The following MTMR3 variants were observed in gnomAD, a reference collection of about 807,000 sequenced individuals.
MTMR3 encodes myotubularin related protein 3.
MTMR3 carries 32 observed loss-of-function variants against 132.4 expected under a neutral mutation model. The ratio of observed to expected loss-of-function variants is 0.24; its 90% confidence interval spans 0.18 to 0.32. The LOEUF is 0.32. Among genes scored for constraint, MTMR3 ranks in the 10% least tolerant of loss-of-function variants. MTMR3 has a pLI of 1.00. For missense variants in MTMR3, 1,216 were observed against 1,489.6 expected, an observed-to-expected ratio of 0.82 and a Z score of 3.02; for synonymous variants, 556 against 550.3, an observed-to-expected ratio of 1.01 and a Z score of -0.14.
At chr22:29,935,014 A>G (rs1264830073) in intron 1 of MTMR3, among the ~76,000 whole-genome samples, 1 of 152,230 alleles carries the variant, frequency 6.6e-6, no homozygotes, top group African/African-American at 2.4e-5. Flanking sequence ...TGTGTGTAAT[A>G]TATTTTAACT....
chr22:30,016,239 CATATGCTGT>C, intron 14 of MTMR3: 1 of 353,482 alleles, frequency 2.8e-6, no homozygotes, highest in Non-Finnish European at 5.2e-6. Flanking sequence ...GCACCCAGTT[CATATGCTGT>C]GGCGCTTGTG....
chr22:30,007,192 T>C lies in MTMR3; in HGVS notation c.750T>C (p.Asp250=), dbSNP rs1168945053. The C allele has an allele frequency of 1.2e-6, 2 of 1,614,076 alleles. No homozygotes were observed. Among genetic ancestry groups the C allele is most frequent in the African/African-American group, 2.7e-5 (2 of 74,938 alleles). Residue 250 remains aspartate, a synonymous_variant, in exon 10 of 20, where the codon GAT becomes GAC. Transcript: ENST00000401950. ...VSWWGWRNAD[D]EHLVQSVAKA... ...GGTGGGGCTGGCGAAATGCAGATGATGAGCATCTGGTACAGTCAGTAGCCA... is the reference window on the plus strand; with the variant it reads ...GGTGGGGCTGGCGAAATGCAGATGACGAGCATCTGGTACAGTCAGTAGCCA...
Position 29,985,731 on chromosome 22 carries a change from G to C in MTMR3, c.211-2749G>C, listed in dbSNP as rs2145899803. ...ACTTGTAATACACATGGTTGATTTTGGTGACTTGCTGGTGTCTGCAATCTG... is the reference window on the plus strand; with the variant it reads ...ACTTGTAATACACATGGTTGATTTTCGTGACTTGCTGGTGTCTGCAATCTG... On this transcript the variant is annotated intron_variant, in intron 5 of 19. Transcript: ENST00000401950. The C allele has an allele frequency of 1.3e-5, 2 of 152,218 alleles. 1 individual carries two copies. Among genetic ancestry groups the C allele is most frequent in the East Asian group, 3.9e-4 (2 of 5,188 alleles). 9.4% of individuals were successfully genotyped at this position (152,218 alleles called of 1,614,324 possible).
chr22:29,928,758 A>T (rs1295415047), intron 1 of MTMR3, among the ~76,000 whole-genome samples: 1 of 151,734 alleles, frequency 6.6e-6, no homozygotes, highest in Non-Finnish European at 1.5e-5. Context: ...CAAGTGATCC[A>T]CCCTCCTTGG....
At chr22:29,957,991 C>CTA (rs35229756) in intron 2 of MTMR3, among the ~76,000 whole-genome samples, 7,994 of 150,326 alleles carry the variant, frequency 0.053, 828 homozygotes, top group East Asian at 0.51. Context: ...AGAGGAAAAA[C>CTA]TATATATATA....
Position 30,020,127 on chromosome 22 carries a change from C to G in MTMR3, c.2468C>G (p.Ser823Ter). 6.2e-7 allele frequency: 1 copy of G among 1,614,228 alleles called. No homozygotes were observed. Among genetic ancestry groups the G allele is most frequent in the Non-Finnish European group, 8.5e-7 (1 of 1,180,040 alleles). Residue 823 changes from serine to a stop codon, truncating the protein, a stop_gained, in exon 17 of 20, where the codon TCA (serine) becomes TGA (stop). Coordinates refer to ENST00000401950, the MANE Select transcript of MTMR3 (RefSeq NM_021090.4). LOFTEE classifies it high-confidence loss of function. ...GATGCAAAAGTTGGCTATGGTACCT[C>G]ACAGTCATGTTCTCTGCTACCTTCC... Reference protein sequence around the residue: ...PVDAKVGYGTSQSCSLLPSQV... With the variant: ...PVDAKVGYGT
intron 19 of MTMR3, chr22:30,023,550 T>TATCA: frequency 6.4e-7 from 1 of 1,574,210 alleles, no homozygotes; most frequent in Non-Finnish European, 8.7e-7. Flanking sequence ...CACTAACTCT[T>TATCA]ATCATTTCCC....
chr22:29,911,903 A>C (rs2065220558), intron 1 of MTMR3, among the ~76,000 whole-genome samples: 1 of 152,146 alleles, frequency 6.6e-6, no homozygotes, highest in Non-Finnish European at 1.5e-5. Flanking sequence ...TTATCACCAT[A>C]ATAAGTACAA....
At chr22:29,981,174 GTTAA>G (rs1653873135) in intron 5 of MTMR3, 1 of 152,174 alleles carries the variant, frequency 6.6e-6, no homozygotes, top group African/African-American at 2.4e-5. Context: ...GTAATTTTTG[GTTAA>G]TTGTTTTTGT....
At chr22:29,967,309 C>T (rs1294917981) in intron 2 of MTMR3, among the ~76,000 whole-genome samples, 2 of 151,796 alleles carry the variant, frequency 1.3e-5, no homozygotes, top group Non-Finnish European at 1.5e-5. Context: ...GTAGCATAAG[C>T]TCACTGCAGC....
At chr22:29,928,869 A>G (rs993866826) in intron 1 of MTMR3, among the ~76,000 whole-genome samples, 2 of 152,222 alleles carry the variant, frequency 1.3e-5, no homozygotes, top group African/African-American at 2.4e-5. Context: ...GTTGAAATAT[A>G]TCAAGGGAAG....
chr22:30,009,109 T>C lies in MTMR3; in HGVS notation c.1101T>C (p.Thr367=). ...RSFQSLRLLC[T]QMPDPGNWLS... ...TTCAGTCTCTGCGGTTGCTGTGCAC[T>C]CAGATGCCAGATCCGGGAAAGTAAG... Residue 367 remains threonine (T), a synonymous_variant, in exon 12 of 20, where the codon ACT becomes ACC. Transcript: ENST00000401950. The C allele has an allele frequency of 2.5e-6, 4 of 1,610,838 alleles. No individual in the cohort carries two copies. The highest frequency in any genetic ancestry group is 1.7e-5 in the Admixed American group (1 of 60,026).
At chr22:30,022,536 C>T (rs2145981205) in intron 18 of MTMR3, 73 bp from the exon 19 acceptor site, 2 of 1,320,774 alleles carry the variant, frequency 1.5e-6, no homozygotes, top group South Asian at 1.2e-5. Flanking sequence ...TCTTGCTGCC[C>T]CCAGCATGGC....
At chr22:29,968,049 A>T (rs781603321) in intron 2 of MTMR3, among the ~76,000 whole-genome samples, 14 of 151,990 alleles carry the variant, frequency 9.2e-5, no homozygotes, top group Non-Finnish European at 2.1e-4. Context: ...TGCTGTTACG[A>T]AAATTTGTGT....
At chr22:29,991,765 TATCA>T (rs1390689342) in intron 7 of MTMR3, 95 bp downstream of exon 7, 1 of 1,292,516 alleles carries the variant, frequency 7.7e-7, no homozygotes, top group Non-Finnish European at 1.0e-6. Flanking sequence ...AGCATTCATA[TATCA>T]ATCAGTGTAT....
At chr22:29,902,937 T>A (rs553996967) in intron 1 of MTMR3, among the ~76,000 whole-genome samples, 2 of 152,250 alleles carry the variant, frequency 1.3e-5, no homozygotes, top group Admixed American at 1.3e-4. Flanking sequence ...GAAAAGAGAT[T>A]GCAGGCTGGA....
In MTMR3 at chr22:29,998,820, A is replaced by G; in HGVS notation, c.520A>G (p.Asn174Asp). 6.2e-7 allele frequency: 1 copy of G among 1,612,208 alleles called. No homozygotes were observed. The highest frequency in any genetic ancestry group is 8.5e-7 in the Non-Finnish European group (1 of 1,178,908). Residue 174 changes from asparagine (N) to aspartate (D), a missense_variant, in exon 8 of 20, where the codon AAC (asparagine) becomes GAC (aspartate). Coordinates refer to ENST00000401950, the MANE Select transcript of MTMR3 (RefSeq NM_021090.4). ...EVERMGFDMN[N>D]AWRISNINEK... Reference sequence around the variant, plus strand: ...GGAGAGGATGGGTTTTGATATGAACAACGCCTGGAGGATTTCCAACATCAA... The same window carrying G: ...GGAGAGGATGGGTTTTGATATGAACGACGCCTGGAGGATTTCCAACATCAA...
At chr22:29,994,171 G>A in intron 7 of MTMR3, 6 of 981,594 alleles carry the variant, frequency 6.1e-6, no homozygotes, top group Non-Finnish European at 7.3e-6. Flanking sequence ...CAACTACAAG[G>A]TAATGCAATC....
chr22:29,997,963 T>C (rs1446015088), intron 7 of MTMR3: 1 of 152,264 alleles, frequency 6.6e-6, no homozygotes, highest in Non-Finnish European at 1.5e-5. Context: ...TTTGGAAAAC[T>C]CTCAAGTTCT....
Sources: allele counts gnomAD v4.1 joint callset (sites outside exome capture counted in the v4.1 genomes callset), GRCh38; gene constraint gnomAD v4.1.1; transcripts MANE v1.5; gene names NCBI Gene and HGNC (gene_info 2026-07-23, HGNC 2026-07-21).